The following USP35 variants were observed in gnomAD, a reference collection of about 807,000 sequenced individuals.
USP35 encodes ubiquitin carboxyl-terminal hydrolase 35.
USP35 carries 69 observed loss-of-function variants against 83.8 expected under a neutral mutation model. The ratio of observed to expected loss-of-function variants is 0.82; its 90% CI spans 0.68 to 1.01. USP35 has a LOEUF of 1.01. Ranked by LOEUF, USP35 falls within the 50% of genes least tolerant of loss-of-function variation. The pLI is 0.00. For synonymous variants in USP35, 714 were observed against 589.5 expected, an observed-to-expected ratio of 1.21 and a Z score of -3.06; for missense variants, 1,503 against 1,362.5, an observed-to-expected ratio of 1.10 and a Z score of -1.62.
chr11:78,200,273 C>T, intron 5 of USP35, 39 bp downstream of exon 5: 1 of 1,602,402 alleles, frequency 6.2e-7, no homozygotes, highest in Non-Finnish European at 8.5e-7. Flanking sequence ...GAGGCCCCTG[C>T]CTGCTGCCCC....
At position 78,210,729 on chromosome 11, in the gene USP35, C is replaced by T. The variant is rs1863737836; in HGVS notation, c.2874C>T (p.Asn958=). 2 of 1,559,688 alleles carry T rather than the reference C, an allele frequency of 1.3e-6. No individual in the cohort carries two copies. Among genetic ancestry groups the T allele is most frequent in the Non-Finnish European group, 8.7e-7 (1 of 1,151,140 alleles). The change falls in exon 10 of 11, where the codon AAC becomes AAT. Residue 958 remains asparagine, a synonymous_variant. Transcript: ENST00000529308. ...KDLMEAISKD[N]ILYLQEQEKE... ...TGATGGAAGCCATTTCCAAAGACAA[C>T]ATCCTTTACCTACAGGTGAGCTGAG...
chr11:78,227,450 G>A, the USP35 span, among the ~76,000 whole-genome samples: 1 of 152,202 alleles, frequency 6.6e-6, no homozygotes, highest in East Asian at 1.9e-4. Context: ...AGTCTATTCT[G>A]CCACTGTGAA....
In USP35 at chr11:78,210,090, C is replaced by T. The variant is rs1863694771; in HGVS notation, c.2235C>T (p.Ala745=). 1.9e-6 allele frequency: 3 copies of T among 1,614,066 alleles called. No homozygotes were observed. The highest frequency in any genetic ancestry group is 1.7e-6 in the Non-Finnish European group (2 of 1,179,992). Residue 745 remains alanine, a synonymous_variant, in exon 10 of 11, where the codon GCC becomes GCT. Coordinates refer to ENST00000529308, the MANE Select transcript of USP35 (RefSeq NM_020798.4). ...SLGAGTHPDA[A]IPSGERTCGS... The stretch of plus-strand genomic sequence containing the variant: ...GAGCGGGGACCCACCCGGATGCTGC[C>T]ATCCCCTCCGGGGAGCGGACATGTG...
chr11:78,208,767 A>G (rs1294115126), intron 8 of USP35, 90 bp from the exon 9 acceptor site: 19 of 1,383,498 alleles, frequency 1.4e-5, no homozygotes, highest in Non-Finnish European at 1.9e-5. Flanking sequence ...GGCCGAGGGA[A>G]TGAGGTAGAC....
intron 6 of USP35, among the ~76,000 whole-genome samples, chr11:78,202,054 G>A (rs922308286): frequency 2.0e-5 from 3 of 152,206 alleles, no homozygotes; most frequent in Admixed American, 2.0e-4. Context: ...GTAAGGGGGA[G>A]TCCCCAGGGG....
In USP35 at chr11:78,197,039, G is replaced by A. The variant is rs1863174211; in HGVS notation, c.673+121G>A. ...CCCGTGTGGCACGAGTGTGCCAGGC[G>A]GCGAATGCTCAGGTGGAGGGCTGCA... On this transcript the variant is annotated intron_variant, in intron 2 of 10. Coordinates refer to ENST00000529308, the MANE Select transcript of USP35 (RefSeq NM_020798.4). 4 of 1,365,054 alleles carry A rather than the reference G, an allele frequency of 2.9e-6. No homozygotes were observed. In the African/African-American group the frequency reaches 4.6e-5, roughly 16 times the overall value. 84.6% of individuals were successfully genotyped at this position (1,365,054 alleles called of 1,614,324 possible). A position where few individuals can be genotyped will look rare whatever the true frequency, so the allele number is the denominator to read the frequency against.
intron 1 of USP35, among the ~76,000 whole-genome samples, chr11:78,194,651 CA>C (rs766654864): frequency 1.3e-5 from 2 of 152,108 alleles, no homozygotes; most frequent in African/African-American, 2.4e-5. Flanking sequence ...TGGTGTGGGA[CA>C]AAGTCTTCAG....
intron 4 of USP35, 54 bp from the exon 5 acceptor site, chr11:78,200,079 A>G (rs1440170094): frequency 6.3e-7 from 1 of 1,582,262 alleles, no homozygotes. Context: ...TTGTGATTCT[A>G]CTTGGCCTCA....
downstream of USP35, chr11:78,219,511 G>T: frequency 1.8e-6 from 2 of 1,131,596 alleles, no homozygotes. Context: ...GCTGTCTGAA[G>T]GGGAGAAGAG....
chr11:78,195,705 A>C (rs1042985898), intron 1 of USP35, among the ~76,000 whole-genome samples: 31 of 152,138 alleles, frequency 2.0e-4, no homozygotes, highest in African/African-American at 6.5e-4. Flanking sequence ...TGTGCGATTA[A>C]AGGCGCTTAG....
chr11:78,207,406 G>T, intron 7 of USP35, 124 bp from the exon 8 acceptor site: 4 of 933,708 alleles, frequency 4.3e-6, no homozygotes, highest in Non-Finnish European at 6.6e-6. Flanking sequence ...TTCTGGCTCC[G>T]TCTTGGGGCA....
chr11:78,216,251 G>C (rs1864140796), downstream of USP35: 1 of 152,192 alleles, frequency 6.6e-6, no homozygotes, highest in African/African-American at 2.4e-5. Context: ...GCTGGAAGTG[G>C]GTGAAGAAGG....
At chr11:78,203,220 GA>G (rs1863413102) in intron 6 of USP35, among the ~76,000 whole-genome samples, 1 of 152,146 alleles carries the variant, frequency 6.6e-6, no homozygotes. Context: ...GAAGATCCTG[GA>G]AAGCTTCATA....
At chr11:78,195,905 G>C (rs994529073) in intron 1 of USP35, among the ~76,000 whole-genome samples, 1 of 152,092 alleles carries the variant, frequency 6.6e-6, no homozygotes, top group Non-Finnish European at 1.5e-5. Flanking sequence ...TAATGTTTGT[G>C]TTTTTTGTAG....
chr11:78,198,659 G>A (rs536583911), intron 3 of USP35: 31 of 985,228 alleles, frequency 3.1e-5, no homozygotes, highest in South Asian at 9.4e-5. Context: ...CAGATCCACC[G>A]TCTTCGTAGG....
chr11:78,208,361 C>T (rs374532649), intron 8 of USP35, among the ~76,000 whole-genome samples: 177 of 152,286 alleles, frequency 1.2e-3, no homozygotes, highest in African/African-American at 4.0e-3. Flanking sequence ...GTTGAGGGTA[C>T]AGAGGTGAAC....
downstream of USP35, chr11:78,219,479 G>A (rs1413751299): frequency 2.2e-5 from 32 of 1,469,016 alleles, no homozygotes; most frequent in African/African-American, 4.1e-5. Flanking sequence ...GGAGGAAGAA[G>A]GTGGGCACGG....
chr11:78,208,729 A>G (rs1863613645), intron 8 of USP35, 128 bp from the exon 9 acceptor site: 1 of 960,328 alleles, frequency 1.0e-6, no homozygotes, highest in Admixed American at 1.9e-5. Flanking sequence ...AGCGGGGAGG[A>G]CCTCATGGAG....
rs190026001 is a variant in USP35, at chr11:78,203,152, A to G, written c.1197+2344A>G. Among the ~76,000 whole-genome samples the G allele has an allele frequency of 1.7e-3, 263 of 152,238 alleles. 1 individual carries two copies. The highest frequency in any genetic ancestry group is 3.1e-3 in the Non-Finnish European group (208 of 68,028). Reference sequence around the variant, plus strand: ...GTAGGGGCAGGGAGTTAGGCTTTATAAGATGATACAGATACAGTCCTTCTC... The same window carrying G: ...GTAGGGGCAGGGAGTTAGGCTTTATGAGATGATACAGATACAGTCCTTCTC... On this transcript the variant is annotated intron_variant, in intron 6 of 10. Transcript: ENST00000529308.
Sources: allele counts gnomAD v4.1 joint callset (sites outside exome capture counted in the v4.1 genomes callset), GRCh38; gene constraint gnomAD v4.1.1; transcripts MANE v1.5; gene names NCBI Gene and HGNC (gene_info 2026-07-23, HGNC 2026-07-21).